Variants in ERC2 observed in about 807,000 individuals in gnomAD.
ERC2 encodes ERC protein 2.
Under a neutral mutation model 114.8 loss-of-function variants are expected in ERC2, and 42 were observed. The observed-to-expected ratio is 0.37, with a 90% CI of 0.29 to 0.47. ERC2 has a LOEUF of 0.47. Ranked by LOEUF, ERC2 falls within the 20% of genes least tolerant of loss-of-function variation. The pLI is 0.99. For synonymous variants in ERC2, 454 were observed against 425.5 expected, an observed-to-expected ratio of 1.07 and a Z score of -0.82; for missense variants, 939 against 1,150.7, an observed-to-expected ratio of 0.82 and a Z score of 2.66.
intron 2 of ERC2, among the ~76,000 whole-genome samples, chr3:56,404,518 AC>A (rs2060636656): frequency 6.6e-6 from 1 of 152,208 alleles, no homozygotes; most frequent in African/African-American, 2.4e-5. Flanking sequence ...ATATGATAAC[AC>A]AACAGGGTGA....
intron 2 of ERC2, among the ~76,000 whole-genome samples, chr3:56,303,321 A>C (rs780972890): frequency 6.6e-6 from 1 of 152,208 alleles, no homozygotes; most frequent in Non-Finnish European, 1.5e-5. Flanking sequence ...GATAGTAAAG[A>C]CTAGCCCCAT....
chr3:56,094,085 C>T (rs945875614), intron 6 of ERC2, among the ~76,000 whole-genome samples: 2 of 152,080 alleles, frequency 1.3e-5, no homozygotes, highest in Non-Finnish European at 1.5e-5. Context: ...TTTTTCCCAC[C>T]GAACCCGTTC....
intron 4 of ERC2, among the ~76,000 whole-genome samples, chr3:56,151,666 T>C (rs2081418692): frequency 6.6e-6 from 1 of 152,164 alleles, no homozygotes; most frequent in Non-Finnish European, 1.5e-5. Flanking sequence ...AATTTTATCA[T>C]TTTCTTTTTT....
chr3:56,128,960 GATTTA>G (rs964582785), intron 6 of ERC2, among the ~76,000 whole-genome samples: 12 of 152,142 alleles, frequency 7.9e-5, no homozygotes, highest in Admixed American at 7.2e-4. Context: ...TAGTCATAAG[GATTTA>G]AGAAATCATC....
rs1680758643 is a variant in ERC2, at chr3:55,683,809, T to C, written c.*24A>G. 8 of 1,611,854 alleles carry C rather than the reference T, an allele frequency of 5.0e-6. No individual in the cohort carries two copies. The East Asian group carries it at 1.8e-4, about 36-fold the overall frequency. On this transcript the variant is annotated 3_prime_UTR_variant, in exon 17 of 18. Coordinates refer to ENST00000288221, the MANE Select transcript of ERC2 (RefSeq NM_015576.3). ...GGTTTCTCACCCCTCAAAACAAAAC[T>C]GGAACTTTGGTTTACAGGCCCGGCT...
intron 17 of ERC2, among the ~76,000 whole-genome samples, chr3:55,515,947 T>C (rs1264015701): frequency 6.6e-6 from 1 of 152,212 alleles, no homozygotes; most frequent in African/African-American, 2.4e-5. Flanking sequence ...AACTGTTTAA[T>C]AACAGTAGTA....
At chr3:55,576,728 C>T (rs1380537825) in intron 17 of ERC2, among the ~76,000 whole-genome samples, 1 of 152,264 alleles carries the variant, frequency 6.6e-6, no homozygotes, top group African/African-American at 2.4e-5. Flanking sequence ...ATCTTTATGG[C>T]CTGGGCTGAC....
At chr3:56,175,808 A>G (rs2082945571) in intron 3 of ERC2, among the ~76,000 whole-genome samples, 1 of 152,224 alleles carries the variant, frequency 6.6e-6, no homozygotes, top group South Asian at 2.1e-4. Context: ...GTAAAGTGTA[A>G]TAAGAAATTA....
chr3:55,769,652 A>T (rs1436015126), intron 14 of ERC2, among the ~76,000 whole-genome samples: 1 of 152,156 alleles, frequency 6.6e-6, no homozygotes, highest in African/African-American at 2.4e-5. Context: ...CAGCAATTTC[A>T]TTGGGTTCAA....
chr3:55,721,550 T>C (rs936321989), intron 15 of ERC2, among the ~76,000 whole-genome samples: 3 of 152,208 alleles, frequency 2.0e-5, no homozygotes, highest in African/African-American at 7.2e-5. Context: ...ACTTTACAGA[T>C]GGGGGAACTG....
intron 14 of ERC2, among the ~76,000 whole-genome samples, chr3:55,831,982 T>C (rs55816673): frequency 0.18 from 27,212 of 152,186 alleles, 3,594 homozygotes; most frequent in African/African-American, 0.37. Context: ...GGGTCCTACG[T>C]CCACGGAGTT....
At position 55,552,365 on chromosome 3, in the gene ERC2, A is replaced by G. The variant is rs1263646285; in HGVS notation, c.*40-41089T>C. Among the ~76,000 whole-genome samples the G allele has an allele frequency of 5.3e-5, 8 of 151,686 alleles. No individual in the cohort carries two copies. In the East Asian group the frequency reaches 1.5e-3, roughly 29 times the overall value. On this transcript the variant is annotated intron_variant, in intron 17 of 17. Coordinates refer to ENST00000288221, the MANE Select transcript of ERC2 (RefSeq NM_015576.3). ...TACATTGTTTTCATTTTCATGTTGCACCCGCCTGCTCCCCATCCATTTATT... is the reference window on the plus strand; with the variant it reads ...TACATTGTTTTCATTTTCATGTTGCGCCCGCCTGCTCCCCATCCATTTATT...
chr3:56,443,958 A>ATTTTTTTTTTTTTTTTTTTTT (rs11343406), intron 1 of ERC2, among the ~76,000 whole-genome samples: 1 of 80,254 alleles, frequency 1.2e-5, no homozygotes, highest in Non-Finnish European at 2.2e-5. Flanking sequence ...AATACCTACA[A>ATTTTTTTTTTTTTTTTTTTTT]TTTTTTTTTT....
chr3:55,869,418 G>A lies in ERC2; in HGVS notation c.2564+18971C>T, dbSNP rs554726138. Among the ~76,000 whole-genome samples, 7 of 152,224 alleles carry A rather than the reference G, an allele frequency of 4.6e-5. No individual in the cohort carries two copies. The South Asian group carries it at 1.2e-3, about 27-fold the overall frequency. ...CAGCAGAACCTTCCAGAACTGTTCT[G>A]AACTTTTAGCAAGACTCCATCTGTT... On this transcript the variant is annotated intron_variant, in intron 14 of 17. Transcript: ENST00000288221.
intron 2 of ERC2, among the ~76,000 whole-genome samples, chr3:56,403,055 T>C (rs1351842876): frequency 1.3e-5 from 2 of 152,100 alleles, no homozygotes; most frequent in South Asian, 2.1e-4. Flanking sequence ...AGCAAAACTG[T>C]CCCTAGCTAA....
intron 14 of ERC2, among the ~76,000 whole-genome samples, chr3:55,748,026 G>C (rs1291185513): frequency 6.6e-6 from 1 of 152,216 alleles, no homozygotes; most frequent in Non-Finnish European, 1.5e-5. Flanking sequence ...AGCAGCTGCA[G>C]AAGGAAAGGG....
chr3:56,225,133 T>C (rs1324071944), intron 3 of ERC2, among the ~76,000 whole-genome samples: 1 of 152,044 alleles, frequency 6.6e-6, no homozygotes, highest in Admixed American at 6.6e-5. Context: ...TTTAGTAAAA[T>C]CTCTCAAGAT....
chr3:56,354,269 C>T (rs1490121205), intron 2 of ERC2, among the ~76,000 whole-genome samples: 1 of 152,256 alleles, frequency 6.6e-6, no homozygotes, highest in Non-Finnish European at 1.5e-5. Context: ...GGCGACCATT[C>T]GCAGAGCCTC....
chr3:56,005,906 CAT>C (rs1560010554), intron 10 of ERC2, among the ~76,000 whole-genome samples: 3 of 152,034 alleles, frequency 2.0e-5, no homozygotes, highest in African/African-American at 7.2e-5. Context: ...GAATGTATGT[CAT>C]ATACCCAATA....
Sources: gnomAD v4.1 joint callset for allele counts (sites outside exome capture counted in the v4.1 genomes callset) on GRCh38, gnomAD v4.1.1 for gene constraint, MANE v1.5 for transcripts, NCBI Gene and HGNC (gene_info 2026-07-23, HGNC 2026-07-21) for gene names.